LINGO1: variants seen among roughly 807,000 people sequenced by gnomAD.
The protein encoded by LINGO1 is leucine rich repeat and Ig domain containing 1, also known as leucine-rich repeat and immunoglobulin-like domain-containing nogo receptor-interacting protein 1.
LINGO1 carries 11 observed loss-of-function variants against 37.3 expected under a neutral mutation model. The observed-to-expected ratio is 0.29, with a 90% confidence interval of 0.19 to 0.49. The LOEUF is 0.49. LINGO1 is among the 20% of genes least tolerant of loss of function. The pLI, the probability that LINGO1 is intolerant of heterozygous loss-of-function variation, is 0.99. For missense variants in LINGO1, 585 were observed against 878.2 expected, an observed-to-expected ratio of 0.67 and a Z score of 4.22; for synonymous variants, 387 against 403.0, an observed-to-expected ratio of 0.96 and a Z score of 0.48.
upstream of LINGO1, among the ~76,000 whole-genome samples, chr15:77,697,877 C>A (rs1017630001): frequency 2.2e-4 from 34 of 152,094 alleles, no homozygotes; most frequent in Non-Finnish European, 1.5e-5. Flanking sequence ...GTGACAAGGC[C>A]CAGTGTCTGG....
chr15:77,797,768 G>A (rs1457825984), intron 1 of LINGO1, among the ~76,000 whole-genome samples: 3 of 152,244 alleles, frequency 2.0e-5, no homozygotes, highest in African/African-American at 7.2e-5. Context: ...TAGATGGAAG[G>A]ATGGGTGGAT....
At chr15:77,653,677 C>A (rs1290330558) in intron 3 of LINGO1, among the ~76,000 whole-genome samples, 3 of 152,142 alleles carry the variant, frequency 2.0e-5, no homozygotes, top group African/African-American at 7.2e-5. Context: ...ATGCCATGTG[C>A]CCCTCGGGAA....
chr15:77,803,694 G>A (rs1293592281), intron 1 of LINGO1, among the ~76,000 whole-genome samples: 1 of 152,016 alleles, frequency 6.6e-6, no homozygotes, highest in African/African-American at 2.4e-5. Context: ...TTGAAAGTGT[G>A]TGGCACTCCC....
chr15:77,776,439 C>T (rs889786826), intron 1 of LINGO1, among the ~76,000 whole-genome samples: 2 of 22,096 alleles, frequency 9.1e-5, no homozygotes, highest in South Asian at 7.5e-4. Flanking sequence ...TCACCTGTCC[C>T]GGGGCTTTAG....
At chr15:77,713,249 T>TGTGCGC (rs1055230447) in intron 2 of LINGO1, among the ~76,000 whole-genome samples, 1 of 136,772 alleles carries the variant, frequency 7.3e-6, no homozygotes, top group African/African-American at 2.6e-5. Flanking sequence ...TGTGTGTGTG[T>TGTGCGC]GTGTGTGTTG....
At chr15:77,794,556 A>G (rs1210889368) in intron 2 of LINGO1, among the ~76,000 whole-genome samples, 3 of 111,468 alleles carry the variant, frequency 2.7e-5, no homozygotes, top group Non-Finnish European at 3.8e-5. Flanking sequence ...ATATATGTGT[A>G]TATATACACA....
intron 1 of LINGO1, among the ~76,000 whole-genome samples, chr15:77,739,203 T>G (rs1232731240): frequency 1.3e-5 from 2 of 152,208 alleles, no homozygotes; most frequent in Admixed American, 1.3e-4. Context: ...AGCCCAGTAA[T>G]TGTGTTCGCA....
upstream of LINGO1, among the ~76,000 whole-genome samples, chr15:77,698,331 GCTTA>G (rs775587135): frequency 6.6e-6 from 1 of 152,204 alleles, no homozygotes; most frequent in Admixed American, 6.5e-5. Flanking sequence ...GGAATTCACT[GCTTA>G]CTTAGTTCAT....
intron 1 of LINGO1, among the ~76,000 whole-genome samples, chr15:77,692,313 T>C (rs1369771358): frequency 6.6e-6 from 1 of 152,172 alleles, no homozygotes. Context: ...TGGGGCCACG[T>C]CTACTTCCCA....
intron 1 of LINGO1, among the ~76,000 whole-genome samples, chr15:77,771,810 G>T (rs2076588510): frequency 6.6e-6 from 1 of 152,214 alleles, no homozygotes; most frequent in South Asian, 2.1e-4. Context: ...GAAGGGGCAG[G>T]CCTGGGCTCA....
At chr15:77,711,073 C>G (rs1164307400) in intron 2 of LINGO1, among the ~76,000 whole-genome samples, 1 of 152,172 alleles carries the variant, frequency 6.6e-6, no homozygotes, top group Admixed American at 6.5e-5. Context: ...GCCCTCCCTT[C>G]TTCCCCTCCA....
At chr15:77,708,176 G>A (rs913590042) in intron 2 of LINGO1, among the ~76,000 whole-genome samples, 25 of 152,224 alleles carry the variant, frequency 1.6e-4, no homozygotes, top group African/African-American at 6.0e-4. Context: ...TTGGGACCCA[G>A]GCTGAGTCCT....
chr15:77,817,844 G>A (rs1435486478), intron 1 of LINGO1, among the ~76,000 whole-genome samples: 1 of 152,184 alleles, frequency 6.6e-6, no homozygotes, highest in Non-Finnish European at 1.5e-5. Flanking sequence ...AAATGGATAA[G>A]CAACTTGCCC....
intron 1 of LINGO1, among the ~76,000 whole-genome samples, chr15:77,754,807 G>A (rs535763527): frequency 3.3e-5 from 5 of 152,346 alleles, no homozygotes; most frequent in East Asian, 1.9e-4. Flanking sequence ...GGGTAGGTCC[G>A]GTAGGCAGAA....
chr15:77,644,114 G>A (rs926514703), intron 3 of LINGO1, among the ~76,000 whole-genome samples: 8 of 152,248 alleles, frequency 5.3e-5, no homozygotes, highest in Non-Finnish European at 5.9e-5. Context: ...CTTTGCGAAT[G>A]TATCTACGCT....
intron 1 of LINGO1, among the ~76,000 whole-genome samples, chr15:77,776,261 T>C (rs1461967765): frequency 6.6e-6 from 1 of 151,960 alleles, no homozygotes; most frequent in Admixed American, 6.6e-5. Context: ...CAACCACAAA[T>C]GCACTGCCAT....
At chr15:77,753,552 T>C (rs1409917033) in intron 1 of LINGO1, among the ~76,000 whole-genome samples, 1 of 151,922 alleles carries the variant, frequency 6.6e-6, no homozygotes, top group East Asian at 1.9e-4. Flanking sequence ...GGGAGGGAAG[T>C]AGGGTGCAGC....
chr15:77,807,422 T>C (rs2076969029), intron 1 of LINGO1, among the ~76,000 whole-genome samples: 1 of 152,240 alleles, frequency 6.6e-6, no homozygotes, highest in African/African-American at 2.4e-5. Context: ...TGTCAGGCTC[T>C]GTCCCGGGTG....
chr15:77,629,294 G>GTTCA (rs2074183988), intron 1 of LINGO1, among the ~76,000 whole-genome samples: 1 of 143,652 alleles, frequency 7.0e-6, no homozygotes, highest in African/African-American at 3.0e-5. Context: ...TCGTTCGCTT[G>GTTCA]TTCGTTCATT....
Sources: allele counts gnomAD v4.1 joint callset (sites outside exome capture counted in the v4.1 genomes callset), GRCh38; gene constraint gnomAD v4.1.1; transcripts MANE v1.5; gene names NCBI Gene and HGNC (gene_info 2026-07-23, HGNC 2026-07-21).